The following SYT2 variants were observed in gnomAD, a reference collection of about 807,000 sequenced individuals.
The protein encoded by SYT2 is synaptotagmin 2.
SYT2 carries 15 observed loss-of-function variants against 39.9 expected under a neutral mutation model. That is an observed-to-expected ratio of 0.38 (90% CI 0.25 to 0.58). SYT2 has a LOEUF of 0.58. Among genes scored for constraint, SYT2 ranks in the 20% least tolerant of loss-of-function variants. The pLI, the probability that SYT2 is intolerant of heterozygous loss-of-function variation, is 0.70. For missense variants in SYT2, 389 were observed against 530.3 expected, an observed-to-expected ratio of 0.73 and a Z score of 2.62; for synonymous variants, 181 against 204.5, an observed-to-expected ratio of 0.89 and a Z score of 0.98.
At chr1:202,598,224 G>A (rs1690369570) in intron 8 of SYT2, among the ~76,000 whole-genome samples, 1 of 152,186 alleles carries the variant, frequency 6.6e-6, no homozygotes, top group Admixed American at 6.5e-5. Context: ...TGGGCCACTG[G>A]GTAAATGATG....
In SYT2 at chr1:202,596,268, GACACACACACAC is replaced by G. The variant is rs58376514; in HGVS notation, c.*477_*488del. ...CCAGGAATGAAGAGAAATGCTCAAA[GACACACACACAC>G]ACACACACACACACACACACACACA... On this transcript the variant is annotated 3_prime_UTR_variant, in exon 9 of 9. Transcript: ENST00000367268. 391 of 119,580 alleles carry G rather than the reference GACACACACACAC, an allele frequency of 3.3e-3. 3 individuals are homozygous for G. The highest frequency in any genetic ancestry group is 0.011 in the African/African-American group (373 of 32,854). 7.4% of individuals were successfully genotyped at this position (119,580 alleles called of 1,614,324 possible).
chr1:202,695,546 T>C (rs936499695), intron 1 of SYT2, among the ~76,000 whole-genome samples: 25 of 152,180 alleles, frequency 1.6e-4, no homozygotes, highest in African/African-American at 6.0e-4. Context: ...AAAGGTGTAA[T>C]TGAACTCGAT....
rs758613453 is a variant in SYT2 at position 202,602,015 on chromosome 1, T to C, written c.676A>G (p.Ile226Val). Residue 226 changes from isoleucine to valine, a missense_variant, in exon 6 of 9, where the codon ATC becomes GTC. This residue lies in a region of SYT2 where 280 missense variants were observed against 335.6 expected (regional missense o/e 0.83). Coordinates refer to ENST00000367268, the MANE Select transcript of SYT2 (RefSeq NM_177402.5). ...ELGGKTLVMA[I>V]YDFDRFSKHD... ...TTGGAGAAGCGGTCAAAGTCATAGA[T>C]GGCCATCACCAGAGTTTTGCCCCCA... 39 of 1,614,056 alleles carry C rather than the reference T, an allele frequency of 2.4e-5. No homozygotes were observed. The highest frequency in any genetic ancestry group is 3.2e-5 in the Non-Finnish European group (38 of 1,180,032).
intron 1 of SYT2, among the ~76,000 whole-genome samples, chr1:202,658,950 C>T (rs1692330438): frequency 6.6e-6 from 1 of 152,168 alleles, no homozygotes; most frequent in Non-Finnish European, 1.5e-5. Flanking sequence ...GATTGGAGAG[C>T]TTCTCAATTT....
chr1:202,709,405 G>A lies in SYT2; in HGVS notation c.-18+853C>T, dbSNP rs542125029. On this transcript the variant is annotated intron_variant, in intron 1 of 8. Transcript: ENST00000367268. ...ATGAGGGGGCCTGGCTTAGTGGGAT[G>A]TGAAACGATAAAGCTCCACTTTTTA... 3.9e-5 allele frequency among the ~76,000 whole-genome samples: 6 copies of A among 152,370 alleles called. No homozygotes were observed. The South Asian group carries it at 1.2e-3, about 32-fold the overall frequency.
chr1:202,653,942 CTT>C (rs1692234679), intron 1 of SYT2, among the ~76,000 whole-genome samples: 1 of 152,180 alleles, frequency 6.6e-6, no homozygotes, highest in Non-Finnish European at 1.5e-5. Context: ...GCCTGGAAAA[CTT>C]ATGTCTTGAT....
intron 1 of SYT2, among the ~76,000 whole-genome samples, chr1:202,654,645 C>T (rs1438314133): frequency 3.3e-5 from 5 of 152,196 alleles, no homozygotes; most frequent in East Asian, 1.9e-4. Context: ...CCCCTGCCCC[C>T]GCCCAACACA....
At chr1:202,658,939 A>G (rs10920445) in intron 1 of SYT2, among the ~76,000 whole-genome samples, 66,183 of 151,946 alleles carry the variant, frequency 0.44, 16,435 homozygotes, top group East Asian at 0.77. Context: ...AATGCTTGCC[A>G]GATTGGAGAG....
At chr1:202,665,929 G>A (rs1020522596) in intron 1 of SYT2, among the ~76,000 whole-genome samples, 23 of 152,224 alleles carry the variant, frequency 1.5e-4, no homozygotes, top group Middle Eastern at 3.4e-3. Context: ...CGAGGCAGGC[G>A]GATCACAAGG....
chr1:202,693,783 T>G (rs957206957), intron 1 of SYT2, among the ~76,000 whole-genome samples: 1 of 152,230 alleles, frequency 6.6e-6, no homozygotes, highest in African/African-American at 2.4e-5. Flanking sequence ...CATTTTTGCA[T>G]TGCTACAAAG....
chr1:202,642,698 C>T (rs548526618), intron 1 of SYT2, among the ~76,000 whole-genome samples: 3 of 152,190 alleles, frequency 2.0e-5, no homozygotes, highest in Non-Finnish European at 4.4e-5. Context: ...TCCTGCAAAC[C>T]GCCCGTGCCT....
intron 1 of SYT2, chr1:202,632,180 C>G: frequency 2.7e-6 from 2 of 729,780 alleles, no homozygotes; most frequent in East Asian, 2.6e-4. Flanking sequence ...GGGCACATTG[C>G]TGTGGGGGTC....
At chr1:202,638,056 C>T (rs186099288) in intron 1 of SYT2, among the ~76,000 whole-genome samples, 1 of 152,240 alleles carries the variant, frequency 6.6e-6, no homozygotes, top group East Asian at 1.9e-4. Context: ...ATGAGCCCTT[C>T]CTGCTGCAGT....
chr1:202,633,849 C>T (rs1224577643), intron 1 of SYT2, among the ~76,000 whole-genome samples: 3 of 152,218 alleles, frequency 2.0e-5, no homozygotes, highest in African/African-American at 7.2e-5. Flanking sequence ...CACAAATTCC[C>T]TAAAGCCACA....
chr1:202,606,563 A>G (rs1273380868), intron 1 of SYT2, among the ~76,000 whole-genome samples: 1 of 152,050 alleles, frequency 6.6e-6, no homozygotes, highest in East Asian at 1.9e-4. Flanking sequence ...GGGCTCCCTC[A>G]GTGCCCACTC....
chr1:202,662,665 A>C (rs1387499254), intron 1 of SYT2, among the ~76,000 whole-genome samples: 1 of 152,190 alleles, frequency 6.6e-6, no homozygotes, highest in East Asian at 1.9e-4. Flanking sequence ...GCTCATTAAG[A>C]GACGCTGTGT....
Position 202,684,267 on chromosome 1 carries a change from T to C in SYT2, c.-18+25991A>G, listed in dbSNP as rs547070718. Among the ~76,000 whole-genome samples the C allele has an allele frequency of 2.0e-5, 3 of 152,182 alleles. No individual in the cohort carries two copies. The East Asian group carries it at 5.8e-4, about 29-fold the overall frequency. On this transcript the variant is annotated intron_variant, in intron 1 of 8. Transcript: ENST00000367268. The stretch of plus-strand genomic sequence containing the variant: ...AGCTACTAGTCCTGCTCATCCTACA[T>C]GACTGCAAGTTGTACCTTTGACCTC...
At chr1:202,609,819 T>C (rs976605867) in intron 1 of SYT2, among the ~76,000 whole-genome samples, 61 of 152,318 alleles carry the variant, frequency 4.0e-4, no homozygotes, top group Admixed American at 3.4e-3. Flanking sequence ...GCAAAAATTT[T>C]CTCCCATTCT....
Position 202,628,626 on chromosome 1 carries a change from G to A in SYT2, c.-17-22837C>T, listed in dbSNP as rs112565842. On this transcript the variant is annotated intron_variant, in intron 1 of 8. Coordinates refer to ENST00000367268, the MANE Select transcript of SYT2 (RefSeq NM_177402.5). This position sits in a 1 kb window ranked among gnomAD's most constrained non-coding sequence, Gnocchi z 4.2. ...GAAGCCAGCTCTCTCCTGCCTGACC[G>A]GGGGCCGGGACAGACATGGGAGATA... is the stretch of plus-strand genomic sequence containing the variant. Among the ~76,000 whole-genome samples the A allele has an allele frequency of 0.058, 8,807 of 152,274 alleles. 442 individuals are homozygous for A. Among genetic ancestry groups the A allele is most frequent in the African/African-American group, 0.13 (5,378 of 41,530 alleles).
Sources: allele counts gnomAD v4.1 joint callset (sites outside exome capture counted in the v4.1 genomes callset), GRCh38; gene constraint gnomAD v4.1.1; regional missense constraint gnomAD v4.1.1; non-coding constraint Gnocchi (gnomAD v3.1); transcripts MANE v1.5; gene names NCBI Gene and HGNC (gene_info 2026-07-23, HGNC 2026-07-21).